Variants in TTC39C observed in about 807,000 individuals in gnomAD.
The protein encoded by TTC39C is tetratricopeptide repeat protein 39C.
A neutral mutation model predicts 76.3 loss-of-function variants in TTC39C; 33 were observed. The ratio of observed to expected loss-of-function variants is 0.43; its 90% CI spans 0.33 to 0.58. The LOEUF (loss-of-function observed/expected upper bound fraction) is 0.58, where lower values mean the gene tolerates loss of function less well. Among genes scored for constraint, TTC39C ranks in the 20% least tolerant of loss-of-function variants. The pLI is 0.04. For missense variants in TTC39C, 595 were observed against 701.4 expected, an observed-to-expected ratio of 0.85 and a Z score of 1.71; for synonymous variants, 254 against 260.6, an observed-to-expected ratio of 0.97 and a Z score of 0.24.
chr18:24,021,561 TC>T (rs144136079), intron 1 of TTC39C, among the ~76,000 whole-genome samples: 2 of 144,256 alleles, frequency 1.4e-5, no homozygotes, highest in Admixed American at 7.0e-5. Context: ...TTTTTTTTTT[TC>T]CGAGACAGAG....
intron 4 of TTC39C, among the ~76,000 whole-genome samples, chr18:24,077,822 A>G (rs1167642536): frequency 6.6e-6 from 1 of 152,190 alleles, no homozygotes; most frequent in Non-Finnish European, 1.5e-5. Context: ...TTTGGATTGT[A>G]ACTGAGCATC....
chr18:24,014,876 C>A lies in TTC39C; in HGVS notation c.5C>A (p.Ala2Asp). 3 of 1,403,086 alleles carry A rather than the reference C, an allele frequency of 2.1e-6. No homozygotes were observed. The highest frequency in any genetic ancestry group is 3.1e-5 in the East Asian group (1 of 32,476). The allele number at this position is 1,403,086 out of a possible 1,614,324, so 86.9% of individuals were successfully genotyped here. Reference sequence around the variant, plus strand: ...AGCGCAGGGCCTCGCACGCCCATGGCCGGCTCGGAGCAGCAGCGGCCGCGG... The same window carrying A: ...AGCGCAGGGCCTCGCACGCCCATGGACGGCTCGGAGCAGCAGCGGCCGCGG... M[A>D]GSEQQRPRRR... Residue 2 changes from alanine to aspartate, a missense_variant, in exon 1 of 14, where the codon GCC becomes GAC. Transcript: ENST00000317571.
At chr18:24,003,869 T>G (rs751993583) in intron 1 of TTC39C, among the ~76,000 whole-genome samples, 32 of 152,174 alleles carry the variant, frequency 2.1e-4, no homozygotes, top group Non-Finnish European at 4.1e-4. Context: ...TGCCTTAGCT[T>G]CCCAAGTAGC....
intron 1 of TTC39C, among the ~76,000 whole-genome samples, chr18:24,020,906 T>A (rs4800531): frequency 1 from 151,701 of 151,926 alleles, 75,741 homozygotes; most frequent in Middle Eastern, 1. Flanking sequence ...ATTTTTTTTT[T>A]AAAGGGAGAG....
intron 3 of TTC39C, among the ~76,000 whole-genome samples, chr18:24,067,297 A>C (rs2084178030): frequency 6.6e-6 from 1 of 152,176 alleles, no homozygotes; most frequent in Non-Finnish European, 1.5e-5. Flanking sequence ...TGAATTCATC[A>C]ACTACTCTCC....
chr18:24,116,299 T>A (rs2084890631), intron 7 of TTC39C, among the ~76,000 whole-genome samples: 1 of 152,142 alleles, frequency 6.6e-6, no homozygotes, highest in Non-Finnish European at 1.5e-5. Flanking sequence ...TCCTAGTCCT[T>A]TGGGAGGCTG....
intron 2 of TTC39C, among the ~76,000 whole-genome samples, chr18:24,065,226 T>C (rs970515709): frequency 2.6e-5 from 4 of 152,316 alleles, no homozygotes; most frequent in African/African-American, 9.6e-5. Flanking sequence ...AGAGCCATAC[T>C]GAGGAAGCCT....
chr18:24,025,156 A>C (rs960743070), intron 1 of TTC39C, among the ~76,000 whole-genome samples: 8 of 152,214 alleles, frequency 5.3e-5, no homozygotes, highest in Non-Finnish European at 1.2e-4. Context: ...GTCATGAGCC[A>C]CTGCGCCCGG....
At chr18:24,117,720 A>G (rs1170357929) in intron 7 of TTC39C, among the ~76,000 whole-genome samples, 1 of 152,022 alleles carries the variant, frequency 6.6e-6, no homozygotes, top group African/African-American at 2.4e-5. Flanking sequence ...AGAAAAAAAA[A>G]AAAAAAGAAT....
At chr18:24,112,657 C>T (rs767511958) in intron 6 of TTC39C, among the ~76,000 whole-genome samples, 1 of 152,110 alleles carries the variant, frequency 6.6e-6, no homozygotes, top group East Asian at 1.9e-4. Flanking sequence ...TGAAGGACAG[C>T]GTGCTATTGC....
chr18:24,061,593 TAAA>T (rs35502981), intron 1 of TTC39C, among the ~76,000 whole-genome samples: 1 of 95,824 alleles, frequency 1.0e-5, no homozygotes, highest in Non-Finnish European at 2.0e-5. Flanking sequence ...TTGAAATAAG[TAAA>T]AAAAAAAAAA....
chr18:24,000,904 A>G (rs537149535), intron 1 of TTC39C, among the ~76,000 whole-genome samples: 36 of 152,268 alleles, frequency 2.4e-4, no homozygotes, highest in Admixed American at 5.9e-4. Flanking sequence ...GTGTTTATTA[A>G]TAACGAAACC....
At chr18:24,123,381 TTTTTTTTG>T (rs767624081) in intron 8 of TTC39C, among the ~76,000 whole-genome samples, 37 of 87,150 alleles carry the variant, frequency 4.2e-4, no homozygotes, top group Admixed American at 1.2e-3. Flanking sequence ...TGGAACAGTC[TTTTTTTTG>T]TTTGTTTGTT....
intron 11 of TTC39C, among the ~76,000 whole-genome samples, chr18:24,129,277 A>G (rs965850381): frequency 6.6e-6 from 1 of 152,226 alleles, no homozygotes; most frequent in Non-Finnish European, 1.5e-5. Flanking sequence ...ATGAGGAGGC[A>G]GTTTTGAAGG....
chr18:24,023,874 G>A (rs1354913687), intron 1 of TTC39C, among the ~76,000 whole-genome samples: 1 of 143,556 alleles, frequency 7.0e-6, no homozygotes, highest in Non-Finnish European at 1.5e-5. Context: ...ATTGATAGAT[G>A]AAATAACCTA....
At chr18:24,065,442 A>G (rs2084154015) in intron 2 of TTC39C, among the ~76,000 whole-genome samples, 1 of 152,242 alleles carries the variant, frequency 6.6e-6, no homozygotes, top group African/African-American at 2.4e-5. Flanking sequence ...ACTTCGTTAA[A>G]TGTGGCTTGA....
At chr18:24,120,726 C>T (rs1035233154) in intron 8 of TTC39C, among the ~76,000 whole-genome samples, 3 of 152,158 alleles carry the variant, frequency 2.0e-5, no homozygotes, top group Non-Finnish European at 2.9e-5. Context: ...CTGGTTACCA[C>T]GCTTCTACTT....
At chr18:24,047,296 T>C (rs1422540851) in intron 1 of TTC39C, among the ~76,000 whole-genome samples, 1 of 151,616 alleles carries the variant, frequency 6.6e-6, no homozygotes, top group Non-Finnish European at 1.5e-5. Flanking sequence ...TTTCACCATG[T>C]TGGCCAGGCT....
chr18:23,998,436 C>A (rs1362053112), intron 1 of TTC39C, among the ~76,000 whole-genome samples: 1 of 152,082 alleles, frequency 6.6e-6, no homozygotes, highest in African/African-American at 2.4e-5. Flanking sequence ...ATGGTGAGAC[C>A]CCCATCTCTC....
Sources: allele counts gnomAD v4.1 joint callset (sites outside exome capture counted in the v4.1 genomes callset), GRCh38; gene constraint gnomAD v4.1.1; transcripts MANE v1.5; gene names NCBI Gene and HGNC (gene_info 2026-07-23, HGNC 2026-07-21).